The following ROBO2 variants were observed in gnomAD, a reference collection of about 807,000 sequenced individuals.
ROBO2 encodes the protein roundabout guidance receptor 2.
ROBO2 carries 53 observed loss-of-function variants against 160.8 expected under a neutral mutation model. The ratio of observed to expected loss-of-function variants is 0.33; its 90% CI spans 0.26 to 0.41. ROBO2 has a LOEUF of 0.41. Among genes scored for constraint, ROBO2 ranks in the 10% least tolerant of loss-of-function variants. The pLI, the probability that ROBO2 is intolerant of heterozygous loss-of-function variation, is 1.00. For synonymous variants in ROBO2, 664 were observed against 611.7 expected (o/e 1.09, Z -1.26); for missense variants, 1,577 against 1,722.4 (o/e 0.92, Z 1.49).
intron 2 of ROBO2, among the ~76,000 whole-genome samples, chr3:76,939,600 G>A (rs1376713170): frequency 7.2e-5 from 11 of 152,066 alleles, no homozygotes; most frequent in Non-Finnish European, 1.5e-4. Context: ...ACAACATGGT[G>A]AAACCTCATC....
At chr3:76,252,747 A>T (rs1313092964) in intron 2 of ROBO2, among the ~76,000 whole-genome samples, 1 of 102,516 alleles carries the variant, frequency 9.8e-6, no homozygotes, top group Admixed American at 1.2e-4. Context: ...TATAAAACGC[A>T]TGTATATGTA....
At chr3:76,102,832 T>C (rs1436507543) in intron 2 of ROBO2, among the ~76,000 whole-genome samples, 3 of 151,478 alleles carry the variant, frequency 2.0e-5, no homozygotes, top group Non-Finnish European at 4.4e-5. Flanking sequence ...GACCTGACTT[T>C]TTTTTTTTTT....
chr3:77,228,430 C>T (rs1218867368), intron 2 of ROBO2, among the ~76,000 whole-genome samples: 1 of 151,986 alleles, frequency 6.6e-6, no homozygotes, highest in Non-Finnish European at 1.5e-5. Flanking sequence ...CACACACACA[C>T]ACACACCCTT....
At position 76,633,266 on chromosome 3, in the gene ROBO2, CTTAT is replaced by C. The variant is rs1455958795; in HGVS notation, c.110-464739_110-464736del. ...TCATAGCAATAAAAACAAATATTTTCTTATTTATTTATCTCCCCACCCCCGCACA... is the reference window on the plus strand; with the variant it reads ...TCATAGCAATAAAAACAAATATTTTCTTATTTATCTCCCCACCCCCGCACA... On this transcript the variant is annotated intron_variant, in intron 2 of 26. Coordinates refer to the ROBO2 transcript ENST00000487694. Among the ~76,000 whole-genome samples, 15 of 152,158 alleles carry C rather than the reference CTTAT, an allele frequency of 9.9e-5. No individual in the cohort carries two copies. In the South Asian group the frequency reaches 1.0e-3, roughly 11 times the overall value.
chr3:75,928,121 A>T (rs1302358535), intron 1 of ROBO2, among the ~76,000 whole-genome samples: 3 of 151,244 alleles, frequency 2.0e-5, no homozygotes, highest in East Asian at 2.0e-4. Flanking sequence ...AGTAGCTGGG[A>T]TTACAGGCGT....
chr3:76,314,292 A>G (rs777654500), intron 2 of ROBO2, among the ~76,000 whole-genome samples: 2 of 152,132 alleles, frequency 1.3e-5, no homozygotes, highest in Admixed American at 6.6e-5. Context: ...AGAATTACAG[A>G]AGCTAATTAT....
At chr3:77,646,785 G>C (rs552205641) in exon 26 of ROBO2, 2 of 152,500 alleles carry the variant, frequency 1.3e-5, no homozygotes, top group African/African-American at 4.8e-5. Flanking sequence ...TCTTAAGACT[G>C]AATATGCATT....
At chr3:77,588,453 A>G (rs907244456) in intron 16 of ROBO2, among the ~76,000 whole-genome samples, 2 of 151,700 alleles carry the variant, frequency 1.3e-5, no homozygotes, top group Non-Finnish European at 2.9e-5. Context: ...TAAGTTATTA[A>G]TTCAACTCCT....
intron 9 of ROBO2, among the ~76,000 whole-genome samples, chr3:77,560,698 C>A (rs2093293641): frequency 6.6e-6 from 1 of 152,074 alleles, no homozygotes; most frequent in Admixed American, 6.6e-5. Flanking sequence ...GTAGAATATT[C>A]CAGCACTCAT....
intron 2 of ROBO2, among the ~76,000 whole-genome samples, chr3:76,505,111 A>G (rs192616007): frequency 6.6e-6 from 1 of 152,332 alleles, no homozygotes; most frequent in Non-Finnish European, 1.5e-5. Flanking sequence ...AACAGTATCA[A>G]TATAAAGTTG....
intron 2 of ROBO2, among the ~76,000 whole-genome samples, chr3:77,417,585 T>C (rs2077360110): frequency 6.6e-6 from 1 of 152,128 alleles, no homozygotes; most frequent in African/African-American, 2.4e-5. Context: ...AATAGAATGC[T>C]TACTTGACCA....
intron 2 of ROBO2, among the ~76,000 whole-genome samples, chr3:76,397,717 T>C (rs1339654143): frequency 1.3e-5 from 2 of 151,892 alleles, no homozygotes; most frequent in Non-Finnish European, 2.9e-5. Context: ...AAAAAACACA[T>C]GAAAAAATGC....
intron 8 of ROBO2, among the ~76,000 whole-genome samples, chr3:77,555,510 G>C (rs2093082106): frequency 6.6e-6 from 1 of 151,916 alleles, no homozygotes; most frequent in Non-Finnish European, 1.5e-5. Flanking sequence ...CAATATACTT[G>C]AGTTTCAATA....
chr3:76,399,282 G>C (rs1212756390), intron 2 of ROBO2, among the ~76,000 whole-genome samples: 1 of 140,850 alleles, frequency 7.1e-6, no homozygotes, highest in African/African-American at 2.9e-5. Flanking sequence ...CTGTGTGCCA[G>C]ATGTTTTTTG....
chr3:76,973,045 T>A (rs887945185), intron 2 of ROBO2, among the ~76,000 whole-genome samples: 1 of 152,144 alleles, frequency 6.6e-6, no homozygotes, highest in Admixed American at 6.5e-5. Context: ...ATTTCACAAG[T>A]TAACAGTACA....
At chr3:76,837,728 C>G (rs1290893633) in intron 2 of ROBO2, among the ~76,000 whole-genome samples, 1 of 151,848 alleles carries the variant, frequency 6.6e-6, no homozygotes, top group Non-Finnish European at 1.5e-5. Flanking sequence ...AGTTTTATCT[C>G]TTAAGAACAA....
intron 2 of ROBO2, among the ~76,000 whole-genome samples, chr3:76,455,462 G>A (rs541276703): frequency 2.6e-5 from 4 of 152,042 alleles, no homozygotes; most frequent in Admixed American, 2.0e-4. Flanking sequence ...AATAAAAAGA[G>A]TAAAATAATA....
chr3:76,494,466 G>A (rs755684387), intron 2 of ROBO2, among the ~76,000 whole-genome samples: 15 of 152,088 alleles, frequency 9.9e-5, no homozygotes, highest in Non-Finnish European at 1.8e-4. Context: ...ACTAAACTAC[G>A]GGGGGAGGCT....
intron 2 of ROBO2, among the ~76,000 whole-genome samples, chr3:76,360,876 G>A (rs1366812719): frequency 1.3e-5 from 2 of 151,884 alleles, no homozygotes; most frequent in Non-Finnish European, 2.9e-5. Context: ...GAGGATTAAA[G>A]CCAAACTCCA....
Sources: gnomAD v4.1 joint callset for allele counts (sites outside exome capture counted in the v4.1 genomes callset) on GRCh38, gnomAD v4.1.1 for gene constraint, MANE v1.5 for transcripts, NCBI Gene and HGNC (gene_info 2026-07-23, HGNC 2026-07-21) for gene names.